Variants in SHROOM4 observed in about 807,000 individuals in gnomAD.
SHROOM4 encodes the protein protein Shroom4.
In SHROOM4, 17 loss-of-function variants were observed where a neutral mutation model predicts 80.3. The ratio of observed to expected loss-of-function variants is 0.21; its 90% CI spans 0.14 to 0.32. SHROOM4 has a LOEUF of 0.32. SHROOM4 is among the 10% of genes least tolerant of loss of function. The probability of loss-of-function intolerance (pLI) is 1.00; values close to 1 mark genes in which losing one functional copy is unlikely to be tolerated. For missense variants in SHROOM4, 993 were observed against 1,140.3 expected (o/e 0.87, Z 1.86); for synonymous variants, 400 against 437.5 (o/e 0.91, Z 1.07).
intron 1 of SHROOM4, among the ~76,000 whole-genome samples, chrX:50,773,655 T>C (rs975357445): frequency 8.9e-6 from 1 of 112,244 alleles, no homozygotes; most frequent in Non-Finnish European, 1.9e-5. Context: ...CAGTAAATTA[T>C]AAATGATGCC....
At chrX:50,701,059 C>T in intron 1 of SHROOM4, among the ~76,000 whole-genome samples, 1 of 111,890 alleles carries the variant, frequency 8.9e-6, no homozygotes, top group East Asian at 2.8e-4. Context: ...ATGCGCTGTG[C>T]CCCACAGCAT....
chrX:50,578,381 A>C, the SHROOM4 span, among the ~76,000 whole-genome samples: 1 of 112,221 alleles, frequency 8.9e-6, no homozygotes, highest in Admixed American at 9.4e-5. Context: ...ATCTCGACTC[A>C]TTGCCACCTC....
chrX:50,744,624 A>G (rs1242381211), intron 1 of SHROOM4, among the ~76,000 whole-genome samples: 1 of 111,770 alleles, frequency 8.9e-6, no homozygotes, highest in Non-Finnish European at 1.9e-5. Context: ...TATATTGCCT[A>G]TTTCCTGTCC....
At chrX:50,716,289 A>G (rs2147504236) in intron 1 of SHROOM4, among the ~76,000 whole-genome samples, 1 of 111,265 alleles carries the variant, frequency 9.0e-6, no homozygotes, top group Admixed American at 9.6e-5. Context: ...GAGATGTACA[A>G]CATAGTGACT....
intron 7 of SHROOM4, among the ~76,000 whole-genome samples, chrX:50,599,173 G>T (rs964242238): frequency 9.0e-6 from 1 of 111,255 alleles, no homozygotes; most frequent in Non-Finnish European, 1.9e-5. Context: ...TTAATAAATA[G>T]GAGCTACAGT....
chrX:50,656,443 T>A (rs1932308041), intron 2 of SHROOM4, among the ~76,000 whole-genome samples: 1 of 112,090 alleles, frequency 8.9e-6, no homozygotes, highest in Non-Finnish European at 1.9e-5. Context: ...TGATGTAGGA[T>A]AAGAGTCCAA....
At chrX:50,808,652 T>A (rs1936274103) in intron 1 of SHROOM4, among the ~76,000 whole-genome samples, 1 of 110,475 alleles carries the variant, frequency 9.1e-6, no homozygotes, top group Non-Finnish European at 1.9e-5. Context: ...ATAAAAGCCA[T>A]GATGTTCCCT....
At chrX:50,797,009 G>A (rs1936029024) in intron 1 of SHROOM4, among the ~76,000 whole-genome samples, 1 of 96,715 alleles carries the variant, frequency 1.0e-5, no homozygotes. Flanking sequence ...AGATCTCATC[G>A]TTGCTTTCTT....
chrX:50,685,744 C>T (rs1016226052), intron 2 of SHROOM4, among the ~76,000 whole-genome samples: 1 of 111,744 alleles, frequency 8.9e-6, no homozygotes. Flanking sequence ...TCACTGAATA[C>T]GGTGATTACA....
In SHROOM4 at chrX:50,627,690, C is replaced by T; in HGVS notation, c.2896-15G>A. The stretch of plus-strand genomic sequence containing the variant: ...CCAGGAAATTCCTGTAAAGAAAAAT[C>T]CTGATAAGTTAGAAAGCTTTGAGCA... On this transcript the variant is annotated splice_polypyrimidine_tract_variant and intron_variant, in intron 4 of 8. Transcript: ENST00000376020. 8.4e-7 allele frequency: 1 copy of T among 1,196,431 alleles called. No individual in the cohort carries two copies. Among genetic ancestry groups the T allele is most frequent in the Non-Finnish European group, 1.1e-6 (1 of 881,705 alleles).
chrX:50,728,141 C>T lies in SHROOM4; in HGVS notation c.118-32204G>A, dbSNP rs1051285697. ...TTGGGAGGCTGAGGTGGGCGGTTCACGAAGTCAGGAGATGGAGACCATCCT... is the reference window on the plus strand; with the variant it reads ...TTGGGAGGCTGAGGTGGGCGGTTCATGAAGTCAGGAGATGGAGACCATCCT... On this transcript the variant is annotated intron_variant, in intron 1 of 8. Transcript: ENST00000376020. Among the ~76,000 whole-genome samples the T allele has an allele frequency of 6.3e-5, 7 of 110,439 alleles. No individual in the cohort carries two copies. In the East Asian group the frequency reaches 1.4e-3, roughly 23 times the overall value.
At chrX:50,669,970 T>A (rs112717173) in intron 2 of SHROOM4, among the ~76,000 whole-genome samples, 1,775 of 111,727 alleles carry the variant, frequency 0.016, 40 homozygotes, top group African/African-American at 0.055. Flanking sequence ...TATTTTGATC[T>A]CCTCCCTTGA....
At chrX:50,582,564 A>G (rs1452456234), downstream of SHROOM4, among the ~76,000 whole-genome samples, 2 of 111,868 alleles carry the variant, frequency 1.8e-5, no homozygotes, top group African/African-American at 6.5e-5. Flanking sequence ...TCCTTTGGAA[A>G]GATTCTCTTA....
At chrX:50,813,057 C>T (rs1366659429) in intron 1 of SHROOM4, among the ~76,000 whole-genome samples, 1 of 111,013 alleles carries the variant, frequency 9.0e-6, no homozygotes, top group African/African-American at 3.3e-5. Flanking sequence ...TTCTGGAGCA[C>T]TCAGGAGAGC....
chrX:50,744,528 T>C (rs1934735271), intron 1 of SHROOM4, among the ~76,000 whole-genome samples: 1 of 111,955 alleles, frequency 8.9e-6, no homozygotes, highest in Non-Finnish European at 1.9e-5. Context: ...AACACAGTTT[T>C]CTTTAGTTTT....
chrX:50,665,915 T>C (rs1442464966), intron 2 of SHROOM4, among the ~76,000 whole-genome samples: 4 of 111,681 alleles, frequency 3.6e-5, no homozygotes. Context: ...TCATTCTGGA[T>C]TGAAATCCCT....
chrX:50,761,190 C>G (rs1431639163), intron 1 of SHROOM4, among the ~76,000 whole-genome samples: 2 of 110,886 alleles, frequency 1.8e-5, no homozygotes, highest in Admixed American at 1.9e-4. Context: ...TCCCTCCTCT[C>G]ACCCTCCATC....
At chrX:50,766,150 C>T (rs1557269316) in intron 1 of SHROOM4, among the ~76,000 whole-genome samples, 1 of 111,595 alleles carries the variant, frequency 9.0e-6, no homozygotes, top group Non-Finnish European at 1.9e-5. Context: ...AATGTCACCT[C>T]CACCTTGGCG....
At chrX:50,580,999 G>C in the SHROOM4 span, among the ~76,000 whole-genome samples, 1 of 111,898 alleles carries the variant, frequency 8.9e-6, no homozygotes, top group Non-Finnish European at 1.9e-5. Context: ...GGATCAAAGG[G>C]AATATGGGAG....
Sources: allele counts gnomAD v4.1 joint callset (sites outside exome capture counted in the v4.1 genomes callset), GRCh38; gene constraint gnomAD v4.1.1; transcripts MANE v1.5; gene names NCBI Gene and HGNC (gene_info 2026-07-23, HGNC 2026-07-21).